The following ASB14 variants were observed in gnomAD, a reference collection of about 807,000 sequenced individuals.
ASB14 encodes the protein ankyrin repeat and SOCS box containing 14.
In ASB14, 63 loss-of-function variants were observed where a neutral mutation model predicts 55.6. The observed-to-expected ratio is 1.13, with a 90% CI of 0.92 to 1.40. The LOEUF is 1.40. Among genes scored for constraint, ASB14 ranks in the 40% most tolerant of loss-of-function variants. The pLI is 0.00. For synonymous variants in ASB14, 256 were observed against 259.9 expected, an observed-to-expected ratio of 0.98 and a Z score of 0.15; for missense variants, 724 against 710.4, an observed-to-expected ratio of 1.02 and a Z score of -0.22.
intron 7 of ASB14, 33 bp from the exon 8 acceptor site, chr3:57,278,953 T>C: frequency 6.3e-7 from 1 of 1,593,928 alleles, no homozygotes; most frequent in Non-Finnish European, 8.6e-7. Context: ...ATTTCAACAT[T>C]GTTTTTAAGA....
At chr3:57,288,708 CTT>C (rs747854434) in intron 3 of ASB14, among the ~76,000 whole-genome samples, 24,918 of 101,040 alleles carry the variant, frequency 0.25, 2,077 homozygotes, top group African/African-American at 0.41. Flanking sequence ...CATATCTTTC[CTT>C]TTTTTTTTTT....
At chr3:57,291,838 G>A in intron 2 of ASB14, 74 bp downstream of exon 2, 4 of 1,327,146 alleles carry the variant, frequency 3.0e-6, no homozygotes, top group Non-Finnish European at 3.0e-6. Context: ...CACAACACTA[G>A]AGTTAAGCTA....
chr3:57,268,501 A>C lies in ASB14; in HGVS notation c.*1140T>G. On this transcript the variant is annotated 3_prime_UTR_variant, in exon 11 of 11. Transcript: ENST00000487349. ...CAGATTGAAAAGGTATACAGTCCTAATGTCTGGATCTTTATGTGTTGTTTG... is the reference window on the plus strand; with the variant it reads ...CAGATTGAAAAGGTATACAGTCCTACTGTCTGGATCTTTATGTGTTGTTTG... The C allele has an allele frequency of 6.3e-7, 1 of 1,578,064 alleles. No homozygotes were observed. The highest frequency in any genetic ancestry group is 1.2e-5 in the South Asian group (1 of 84,918).
At chr3:57,279,693 C>T (rs562200336) in intron 7 of ASB14, among the ~76,000 whole-genome samples, 9 of 151,850 alleles carry the variant, frequency 5.9e-5, no homozygotes, top group South Asian at 2.1e-4. Context: ...GTTCAGTCAG[C>T]GTGGTGGGAA....
intron 5 of ASB14, among the ~76,000 whole-genome samples, chr3:57,287,474 G>C (rs2061089519): frequency 6.6e-6 from 1 of 152,170 alleles, no homozygotes; most frequent in South Asian, 2.1e-4. Flanking sequence ...CCGTGGTCCA[G>C]AGACTCTCTG....
chr3:57,270,590 T>TAACA (rs984771030), intron 10 of ASB14: 2 of 152,682 alleles, frequency 1.3e-5, no homozygotes, highest in African/African-American at 4.8e-5. Flanking sequence ...AGAAGTTCTA[T>TAACA]AACAATTATG....
intron 10 of ASB14, among the ~76,000 whole-genome samples, chr3:57,274,073 A>T (rs1579417119): frequency 1.3e-5 from 2 of 152,340 alleles, no homozygotes; most frequent in Admixed American, 1.3e-4. Context: ...TGTCAGCTAT[A>T]TAAATTTTTT....
rs942361065 is a variant in ASB14, at chr3:57,269,160, T to G, written c.*481A>C. On this transcript the variant is annotated 3_prime_UTR_variant, in exon 11 of 11. Coordinates refer to ENST00000487349, the MANE Select transcript of ASB14 (RefSeq NM_001142733.3). Reference sequence around the variant, plus strand: ...AGGCTGAGGGAAGGTGACACCTGATTTAGCAAAGATGAATTGGACAGGGAT... The same window carrying G: ...AGGCTGAGGGAAGGTGACACCTGATGTAGCAAAGATGAATTGGACAGGGAT... 6 of 161,246 alleles carry G rather than the reference T, an allele frequency of 3.7e-5. No individual in the cohort carries two copies. Among genetic ancestry groups the G allele is most frequent in the African/African-American group, 1.4e-4 (6 of 41,582 alleles). The allele number at this position is 161,246 out of a possible 1,614,324, so 10.0% of individuals were successfully genotyped here.
intron 2 of ASB14, among the ~76,000 whole-genome samples, chr3:57,291,061 T>G (rs905127497): frequency 1.3e-5 from 2 of 152,182 alleles, no homozygotes; most frequent in South Asian, 2.1e-4. Flanking sequence ...ACCTACCTCA[T>G]AGAGAGGTAA....
At chr3:57,285,970 T>A (rs1046123574) in intron 5 of ASB14, among the ~76,000 whole-genome samples, 1 of 152,226 alleles carries the variant, frequency 6.6e-6, no homozygotes, top group Non-Finnish European at 1.5e-5. Flanking sequence ...GTTAGCTTCC[T>A]AACAGTAGGG....
At chr3:57,284,404 C>G (rs1579432412) in intron 5 of ASB14, among the ~76,000 whole-genome samples, 1 of 152,210 alleles carries the variant, frequency 6.6e-6, no homozygotes, top group Admixed American at 6.5e-5. Context: ...GCTGGGATTA[C>G]TGGCGTGAGC....
Position 57,281,819 on chromosome 3 carries a change from A to G in ASB14, c.716-1346T>C, listed in dbSNP as rs554208017. On this transcript the variant is annotated intron_variant, in intron 6 of 10. Coordinates refer to ENST00000487349, the MANE Select transcript of ASB14 (RefSeq NM_001142733.3). ...ACCCAGGGCTTATATCTATGATGCCATGTTGCCACTCTAGCAATGCAGGGT... is the reference window on the plus strand; with the variant it reads ...ACCCAGGGCTTATATCTATGATGCCGTGTTGCCACTCTAGCAATGCAGGGT... 2.0e-4 allele frequency among the ~76,000 whole-genome samples: 30 copies of G among 152,310 alleles called. No individual in the cohort carries two copies. In the South Asian group the frequency reaches 5.8e-3, roughly 29 times the overall value.
intron 5 of ASB14, 44 bp from the exon 6 acceptor site, chr3:57,283,483 A>ATGATACG: frequency 6.6e-7 from 1 of 1,516,968 alleles, no homozygotes; most frequent in Admixed American, 2.0e-5. Flanking sequence ...CGGGAAGTTA[A>ATGATACG]GCCCAAAGTA....
intron 10 of ASB14, chr3:57,270,876 C>A (rs2060932954): frequency 6.6e-6 from 1 of 152,054 alleles, no homozygotes; most frequent in African/African-American, 2.4e-5. Flanking sequence ...GAGAAGTTGA[C>A]CAAGGAAGGA....
chr3:57,280,485 A>C lies in ASB14; in HGVS notation c.716-12T>G. On this transcript the variant is annotated splice_polypyrimidine_tract_variant and intron_variant, in intron 6 of 10. Transcript: ENST00000487349. ...ATGAGCATTAGCTCCTAAGAGGAGA[A>C]AGACTCTTGTTAATGCAAAAATTAT... is the stretch of plus-strand genomic sequence containing the variant. The C allele has an allele frequency of 6.5e-7, 1 of 1,542,110 alleles. No individual in the cohort carries two copies. Among genetic ancestry groups the C allele is most frequent in the Non-Finnish European group, 8.8e-7 (1 of 1,140,310 alleles).
In ASB14 at chr3:57,288,276, A is replaced by C. The variant is rs1024158289; in HGVS notation, c.189T>G (p.Asp63Glu). The change falls in exon 4 of 11, where the codon GAT (aspartate) becomes GAG (glutamate). Residue 63 changes from aspartate (D) to glutamate (E), a missense_variant. Asp to Glu is a conservative substitution (Grantham distance 45). Coordinates refer to ENST00000487349, the MANE Select transcript of ASB14 (RefSeq NM_001142733.3). ...GGTACTTGGTTAAGTGTGACAATGC[A>C]TCTTCCTTACCTATTAACGAGTCAA... ...IVETIEKGKE[D>E]ALSHLTKYHS... 2 of 1,537,268 alleles carry C rather than the reference A, an allele frequency of 1.3e-6. No individual in the cohort carries two copies. The highest frequency in any genetic ancestry group is 3.9e-5 in the Admixed American group (2 of 51,004).
rs372854399 is a variant in ASB14 at position 57,280,237 on chromosome 3, G to A, written c.887+65C>T. On this transcript the variant is annotated intron_variant, in intron 7 of 10. Transcript: ENST00000487349. The stretch of plus-strand genomic sequence containing the variant: ...ATTAAAGATTATAAAGTTCCTAGAA[G>A]CAGCACAAAATAAAAGGTAGCTATT... The A allele has an allele frequency of 1.1e-5, 11 of 1,012,028 alleles. No individual in the cohort carries two copies. In the East Asian group the frequency reaches 2.6e-4, roughly 24 times the overall value. The allele number at this position is 1,012,028 out of a possible 1,614,324, so 62.7% of individuals were successfully genotyped here.
intron 2 of ASB14, 51 bp from the exon 3 acceptor site, chr3:57,289,174 G>A (rs2061108709): frequency 8.1e-7 from 1 of 1,231,846 alleles, no homozygotes; most frequent in African/African-American, 1.5e-5. Context: ...AGAAAAAACT[G>A]TTATCTGATA....
At chr3:57,287,252 GAT>G (rs113717097) in intron 5 of ASB14, among the ~76,000 whole-genome samples, 2 of 152,260 alleles carry the variant, frequency 1.3e-5, no homozygotes, top group African/African-American at 4.8e-5. Flanking sequence ...ACAACAGGTT[GAT>G]ATGTTTGGGC....
Sources: gnomAD v4.1 joint callset for allele counts (sites outside exome capture counted in the v4.1 genomes callset) on GRCh38, gnomAD v4.1.1 for gene constraint, MANE v1.5 for transcripts, NCBI Gene and HGNC (gene_info 2026-07-23, HGNC 2026-07-21) for gene names.